Variants in PRKCB observed in about 807,000 individuals in gnomAD.
The protein encoded by PRKCB is protein kinase C beta type.
PRKCB carries 13 observed loss-of-function variants against 81.5 expected under a neutral mutation model. The ratio of observed to expected loss-of-function variants is 0.16; its 90% confidence interval spans 0.10 to 0.25. PRKCB has a LOEUF of 0.25. PRKCB is among the 10% of genes least tolerant of loss of function. The pLI is 1.00. For synonymous variants in PRKCB, 335 were observed against 321.4 expected (o/e 1.04, Z -0.45); for missense variants, 509 against 875.7 (o/e 0.58, Z 5.29).
chr16:24,161,802 A>G (rs537121524), intron 10 of PRKCB, among the ~76,000 whole-genome samples: 23 of 152,196 alleles, frequency 1.5e-4, no homozygotes, highest in African/African-American at 5.5e-4. Context: ...AATATAATAA[A>G]CATGAAATGG....
chr16:23,873,829 T>C (rs768808967), intron 2 of PRKCB, among the ~76,000 whole-genome samples: 1 of 152,194 alleles, frequency 6.6e-6, no homozygotes, highest in Non-Finnish European at 1.5e-5. Flanking sequence ...TGGGTCCCAC[T>C]CTTCATCCTG....
chr16:24,093,086 C>A, intron 6 of PRKCB, 139 bp downstream of exon 6: 1 of 922,264 alleles, frequency 1.1e-6, no homozygotes, highest in Non-Finnish European at 1.6e-6. Flanking sequence ...CCATCCCTCA[C>A]TCCTATCTTT....
intron 10 of PRKCB, among the ~76,000 whole-genome samples, chr16:24,170,457 G>C (rs1196065607): frequency 6.6e-6 from 1 of 152,086 alleles, no homozygotes. Flanking sequence ...AGGGACTTCA[G>C]TTCCCAAATT....
chr16:24,098,400 T>C (rs188758823), intron 7 of PRKCB: 1 of 152,326 alleles, frequency 6.6e-6, no homozygotes. Flanking sequence ...TAAAACTGAC[T>C]GATATACAGG....
At chr16:24,193,300 C>T (rs1967822089) in intron 16 of PRKCB, among the ~76,000 whole-genome samples, 1 of 151,632 alleles carries the variant, frequency 6.6e-6, no homozygotes, top group Admixed American at 6.6e-5. Flanking sequence ...CAAAAAATAG[C>T]TAGGTGTGAT....
chr16:24,154,353 A>C (rs1018186318), intron 9 of PRKCB, among the ~76,000 whole-genome samples: 15 of 152,126 alleles, frequency 9.9e-5, no homozygotes, highest in African/African-American at 3.6e-4. Flanking sequence ...ACATGGTGGC[A>C]CTTACCTGTA....
chr16:24,136,061 T>G (rs1457410378), intron 9 of PRKCB, among the ~76,000 whole-genome samples: 2 of 151,940 alleles, frequency 1.3e-5, no homozygotes, highest in Non-Finnish European at 2.9e-5. Context: ...GCCTTCAACC[T>G]TTCCTTCTTT....
intron 9 of PRKCB, among the ~76,000 whole-genome samples, chr16:24,147,760 G>A (rs1232463029): frequency 6.6e-6 from 1 of 152,132 alleles, no homozygotes; most frequent in African/African-American, 2.4e-5. Flanking sequence ...GAATACGGAC[G>A]AGTCACCTAG....
intron 3 of PRKCB, among the ~76,000 whole-genome samples, chr16:24,021,067 C>CCTCG (rs1301848680): frequency 6.1e-5 from 4 of 65,288 alleles, no homozygotes; most frequent in Admixed American, 5.4e-4. Flanking sequence ...TCCCTCCCTC[C>CCTCG]CTCCCTTCTT....
At chr16:23,933,852 C>CCATT in intron 2 of PRKCB, among the ~76,000 whole-genome samples, 1 of 129,636 alleles carries the variant, frequency 7.7e-6, no homozygotes, top group Non-Finnish European at 1.6e-5. Context: ...ATTCATCCAT[C>CCATT]CATCCATCCA....
intron 2 of PRKCB, among the ~76,000 whole-genome samples, chr16:23,967,049 A>T (rs1158639645): frequency 6.6e-6 from 1 of 151,318 alleles, no homozygotes; most frequent in Admixed American, 6.6e-5. Flanking sequence ...CATGCTGTGA[A>T]CCCAAGAGCC....
At chr16:24,138,597 G>T (rs1966873886) in intron 9 of PRKCB, among the ~76,000 whole-genome samples, 1 of 151,952 alleles carries the variant, frequency 6.6e-6, no homozygotes, top group South Asian at 2.1e-4. Context: ...AGTGTGAGTG[G>T]TGAGAACACT....
chr16:24,213,223 C>T (rs1167373231), intron 16 of PRKCB, among the ~76,000 whole-genome samples: 4 of 151,750 alleles, frequency 2.6e-5, no homozygotes, highest in Non-Finnish European at 2.9e-5. Flanking sequence ...TTAGTAGAGA[C>T]GGGGTTTCAT....
intron 2 of PRKCB, among the ~76,000 whole-genome samples, chr16:23,983,169 A>C (rs188302415): frequency 2.6e-5 from 4 of 152,020 alleles, no homozygotes; most frequent in Non-Finnish European, 5.9e-5. Context: ...TGCCAAATAG[A>C]AATGAGGGGG....
At chr16:24,191,745 T>G (rs1471849192) in intron 16 of PRKCB, among the ~76,000 whole-genome samples, 1 of 152,026 alleles carries the variant, frequency 6.6e-6, no homozygotes, top group Non-Finnish European at 1.5e-5. Flanking sequence ...CAAAACAGAG[T>G]GAAGCAGAGA....
intron 2 of PRKCB, among the ~76,000 whole-genome samples, chr16:23,858,421 G>A (rs746913208): frequency 6.6e-6 from 1 of 152,176 alleles, no homozygotes; most frequent in Non-Finnish European, 1.5e-5. Context: ...TGGTATACGG[G>A]ATGGTGATAA....
intron 2 of PRKCB, among the ~76,000 whole-genome samples, chr16:23,837,807 T>A (rs1009303881): frequency 6.6e-6 from 1 of 152,214 alleles, no homozygotes; most frequent in African/African-American, 2.4e-5. Flanking sequence ...GTTCTGCCTC[T>A]CCCTGCCTTG....
chr16:24,128,673 T>C (rs1369062210), intron 9 of PRKCB, among the ~76,000 whole-genome samples: 2 of 152,210 alleles, frequency 1.3e-5, no homozygotes, highest in African/African-American at 4.8e-5. Flanking sequence ...TACAGAGCAT[T>C]CAAACGTGTC....
chr16:23,967,360 T>C (rs1964502066), intron 2 of PRKCB, among the ~76,000 whole-genome samples: 2 of 152,142 alleles, frequency 1.3e-5, no homozygotes, highest in South Asian at 4.1e-4. Context: ...TAGTCACCCA[T>C]GGGGGCGATA....
Sources: gnomAD v4.1 joint callset for allele counts (sites outside exome capture counted in the v4.1 genomes callset) on GRCh38, gnomAD v4.1.1 for gene constraint, MANE v1.5 for transcripts, NCBI Gene and HGNC (gene_info 2026-07-23, HGNC 2026-07-21) for gene names.